The following TENM2 variants were observed in gnomAD, a reference collection of about 807,000 sequenced individuals.
The protein encoded by TENM2 is teneurin-2.
TENM2 carries 52 observed loss-of-function variants against 245.2 expected under a neutral mutation model. That is an observed-to-expected ratio of 0.21 (90% CI 0.17 to 0.27). The LOEUF is 0.27. Ranked by LOEUF, TENM2 falls within the 10% of genes least tolerant of loss-of-function variation. The pLI, the probability that TENM2 is intolerant of heterozygous loss-of-function variation, is 1.00. For missense variants in TENM2, 3,046 were observed against 3,666.8 expected, an observed-to-expected ratio of 0.83 and a Z score of 4.37; for synonymous variants, 1,363 against 1,438.9, an observed-to-expected ratio of 0.95 and a Z score of 1.19.
the TENM2 span, among the ~76,000 whole-genome samples, chr5:167,224,257 G>A: frequency 0.21 from 32,203 of 151,822 alleles, 4,097 homozygotes; most frequent in African/African-American, 0.36. Context: ...TAGGCATAAA[G>A]CACTTGTCTA....
At chr5:167,428,999 C>T (rs1416067545) in intron 2 of TENM2, among the ~76,000 whole-genome samples, 1 of 152,110 alleles carries the variant, frequency 6.6e-6, no homozygotes, top group Admixed American at 6.6e-5. Context: ...TAAACCCATC[C>T]CTTTCTGCAT....
At chr5:167,103,119 G>T in the TENM2 span, among the ~76,000 whole-genome samples, 1 of 152,198 alleles carries the variant, frequency 6.6e-6, no homozygotes, top group African/African-American at 2.4e-5. Flanking sequence ...TTTGAGTCCT[G>T]CAGAAGTCAA....
chr5:167,215,836 G>C, the TENM2 span, among the ~76,000 whole-genome samples: 2 of 152,148 alleles, frequency 1.3e-5, no homozygotes, highest in Non-Finnish European at 2.9e-5. Context: ...TTCTTTCCTT[G>C]TTACTACTTA....
chr5:167,446,392 C>A (rs1765209444), intron 2 of TENM2, among the ~76,000 whole-genome samples: 1 of 152,104 alleles, frequency 6.6e-6, no homozygotes, highest in Non-Finnish European at 1.5e-5. Context: ...GCCCAGCACC[C>A]CATTTTCTCT....
At chr5:167,034,259 C>T in the TENM2 span, among the ~76,000 whole-genome samples, 4 of 152,150 alleles carry the variant, frequency 2.6e-5, no homozygotes, top group Non-Finnish European at 5.9e-5. Context: ...ATTCATTGTC[C>T]TGCATTGGTA....
intron 3 of TENM2, among the ~76,000 whole-genome samples, chr5:167,900,045 A>T (rs1775561026): frequency 7.0e-6 from 1 of 142,186 alleles, no homozygotes; most frequent in South Asian, 2.3e-4. Context: ...AATTCATTTC[A>T]CACCTGAAAT....
rs5873053 is a variant in TENM2, at chr5:167,656,943, C to CTTT, written c.503-219031_503-219029dup. Among the ~76,000 whole-genome samples the CTTT allele has an allele frequency of 3.6e-3, 513 of 142,432 alleles. 6 individuals are homozygous for CTTT. The highest frequency in any genetic ancestry group is 0.031 in the Middle Eastern group (8 of 258). The allele number at this position is 142,432 out of a possible 152,430, so 93.4% of individuals were successfully genotyped here. On this transcript the variant is annotated intron_variant, in intron 2 of 28. Coordinates refer to ENST00000518659, the Ensembl canonical transcript of TENM2. ...CGTATCTATCTTCTCAAAGATTTAT[C>CTTT]TTTTTTTTTTTTTTGCATTGGAAAC...
chr5:167,004,365 C>T, the TENM2 span, among the ~76,000 whole-genome samples: 1 of 152,174 alleles, frequency 6.6e-6, no homozygotes, highest in Non-Finnish European at 1.5e-5. Context: ...AGAAACTCTA[C>T]CATATTTGCT....
Position 167,702,552 on chromosome 5 carries a change from G to GTGTGTGTATATATATA in TENM2, c.503-173433_503-173432insGTGTGTATATATATAT, listed in dbSNP as rs58351767. ...TATGTATGTATGTATGTGTGTGTGT[G>GTGTGTGTATATATATA]TATATATATATATATATATACATAT... On this transcript the variant is annotated intron_variant, in intron 2 of 28. Transcript: ENST00000518659. Among the ~76,000 whole-genome samples the GTGTGTGTATATATATA allele has an allele frequency of 5.0e-3, 684 of 136,734 alleles. 7 individuals carry two copies. The highest frequency in any genetic ancestry group is 0.019 in the African/African-American group (654 of 35,086). 89.7% of individuals were successfully genotyped at this position (136,734 alleles called of 152,430 possible).
At chr5:167,748,478 A>C (rs1261282412) in intron 2 of TENM2, among the ~76,000 whole-genome samples, 2 of 152,102 alleles carry the variant, frequency 1.3e-5, no homozygotes, top group East Asian at 1.9e-4. Context: ...TCCTTGGCTC[A>C]AGGAATCCTC....
chr5:167,601,638 AACTAATCTTTAAT>A (rs562404460), intron 2 of TENM2, among the ~76,000 whole-genome samples: 6 of 152,324 alleles, frequency 3.9e-5, no homozygotes, highest in Admixed American at 6.5e-5. Context: ...ATAGATTACA[AACTAATCTTTAAT>A]TTATGTCTGG....
rs150629795 is a variant in TENM2 at position 167,878,744 on chromosome 5, T to C, written c.712+2549T>C. On this transcript the variant is annotated intron_variant, in intron 3 of 28. Coordinates refer to ENST00000518659, the Ensembl canonical transcript of TENM2. ...GGAAGATGCAAAGTGCAGAGCTATG[T>C]CTGAGTGTTTTGAACTGAGTCTGAT... 6.6e-5 allele frequency among the ~76,000 whole-genome samples: 10 copies of C among 152,302 alleles called. No individual in the cohort carries two copies. The East Asian group carries it at 1.9e-3, about 29-fold the overall frequency.
At chr5:167,101,314 G>A in the TENM2 span, among the ~76,000 whole-genome samples, 4 of 152,150 alleles carry the variant, frequency 2.6e-5, no homozygotes, top group African/African-American at 4.8e-5. Context: ...AAACTCAAAC[G>A]AAATCTGAGT....
intron 2 of TENM2, among the ~76,000 whole-genome samples, chr5:167,639,135 A>G (rs1779397379): frequency 6.6e-6 from 1 of 152,336 alleles, no homozygotes; most frequent in African/African-American, 2.4e-5. Flanking sequence ...AGTAATTTCC[A>G]TATGATTTTC....
At chr5:167,584,614 AG>A (rs1465585632) in intron 2 of TENM2, among the ~76,000 whole-genome samples, 1 of 151,882 alleles carries the variant, frequency 6.6e-6, no homozygotes, top group African/African-American at 2.4e-5. Flanking sequence ...ATTCAGTTCT[AG>A]GAAGTCAGCA....
intron 12 of TENM2, among the ~76,000 whole-genome samples, chr5:168,138,029 TTA>T (rs57982882): frequency 0.085 from 12,897 of 152,236 alleles, 852 homozygotes; most frequent in East Asian, 0.28. Context: ...ATCTCCCACG[TTA>T]TGTTTATAGA....
At chr5:167,201,292 C>A in the TENM2 span, among the ~76,000 whole-genome samples, 3 of 151,978 alleles carry the variant, frequency 2.0e-5, no homozygotes, top group Non-Finnish European at 2.9e-5. Flanking sequence ...TTATTGTATG[C>A]CAAGCATTTG....
At chr5:168,191,223 T>A (rs369112992) in intron 14 of TENM2, among the ~76,000 whole-genome samples, 79 of 152,346 alleles carry the variant, frequency 5.2e-4, no homozygotes, top group African/African-American at 1.8e-3. Flanking sequence ...TCATTTTGTC[T>A]TCAACTTCAC....
chr5:167,368,290 T>A (rs1309531988), intron 1 of TENM2, among the ~76,000 whole-genome samples: 4 of 152,096 alleles, frequency 2.6e-5, no homozygotes, highest in Non-Finnish European at 4.4e-5. Context: ...TGATGCATAT[T>A]TTTTTTCAAA....
Sources: allele counts gnomAD v4.1 joint callset (sites outside exome capture counted in the v4.1 genomes callset), GRCh38; gene constraint gnomAD v4.1.1; transcripts MANE v1.5; gene names NCBI Gene and HGNC (gene_info 2026-07-23, HGNC 2026-07-21).